Variants in UBN1 observed in about 807,000 individuals in gnomAD.
The protein encoded by UBN1 is ubinuclein-1.
A neutral mutation model predicts 108.5 loss-of-function variants in UBN1; 17 were observed. The ratio of observed to expected loss-of-function variants is 0.16; its 90% CI spans 0.11 to 0.24. The LOEUF is 0.24. UBN1 is among the 10% of genes least tolerant of loss of function. The pLI is 1.00. For synonymous variants in UBN1, 726 were observed against 564.2 expected (o/e 1.29, Z -4.07); for missense variants, 1,595 against 1,394.4 (o/e 1.14, Z -2.29).
At position 4,871,198 on chromosome 16, in the gene UBN1, G is replaced by C; in HGVS notation, c.1603G>C (p.Asp535His). 6.2e-7 allele frequency: 1 copy of C among 1,614,232 alleles called. No homozygotes were observed. Among genetic ancestry groups the C allele is most frequent in the Non-Finnish European group, 8.5e-7 (1 of 1,180,048 alleles). The change falls in exon 12 of 18, where the codon GAC (aspartate) becomes CAC (histidine). Residue 535 changes from aspartate (D) to histidine (H), a missense_variant. Transcript: ENST00000262376. ...QVVKIKLESQ[D>H]LERNNKAQAW... ...GGTGAAGATCAAACTGGAGAGCCAGGACCTGGAGAGGAACAACAAAGCCCA... is the reference window on the plus strand; with the variant it reads ...GGTGAAGATCAAACTGGAGAGCCAGCACCTGGAGAGGAACAACAAAGCCCA...
At position 4,869,594 on chromosome 16, in the gene UBN1, C is replaced by T. The variant is rs187000398; in HGVS notation, c.1182-618C>T. ...AGTTGTCAAAATGTGGGTGTTCTAC[C>T]ACATGGCCTCGCCTGGCCGGGACCT... On this transcript the variant is annotated intron_variant, in intron 8 of 17. Transcript: ENST00000262376. Among the ~76,000 whole-genome samples the T allele has an allele frequency of 4.5e-4, 69 of 152,298 alleles. No individual in the cohort carries two copies. The East Asian group carries it at 5.8e-3, about 13-fold the overall frequency.
At position 4,877,818 on chromosome 16, in the gene UBN1, A is replaced by C. The variant is rs1298935201; in HGVS notation, c.3355+344A>C. 3.4e-5 allele frequency: 35 copies of C among 1,024,462 alleles called. No homozygotes were observed. Among genetic ancestry groups the C allele is most frequent in the Non-Finnish European group, 4.0e-5 (34 of 856,568 alleles). The allele number at this position is 1,024,462 out of a possible 1,614,324, so 63.5% of individuals were successfully genotyped here. ...CAGTTTAAAAAAAAAAAAAAAGGGA[A>C]GGTAATGGTGCATCTTCTCCAAGGG... On this transcript the variant is annotated intron_variant, in intron 17 of 17. Transcript: ENST00000262376. This position sits in a 1 kb window ranked among gnomAD's most constrained non-coding sequence, Gnocchi z 4.3.
chr16:4,849,169 C>G (rs2086393402), intron 1 of UBN1, among the ~76,000 whole-genome samples: 2 of 152,176 alleles, frequency 1.3e-5, no homozygotes, highest in African/African-American at 4.8e-5. Context: ...AGGCATTCCC[C>G]TTAACATCAG....
In UBN1 at chr16:4,847,546, C is replaced by T. The variant is rs1005195206; in HGVS notation, c.-704C>T. 1.8e-4 allele frequency: 80 copies of T among 443,868 alleles called. 1 individual carries two copies. The East Asian group carries it at 3.5e-3, about 20-fold the overall frequency. 27.5% of individuals were successfully genotyped at this position (443,868 alleles called of 1,614,324 possible). A position where few individuals can be genotyped will look rare whatever the true frequency, so the allele number is the denominator to read the frequency against. On this transcript the variant is annotated 5_prime_UTR_variant, in exon 1 of 18. Coordinates refer to ENST00000262376, the MANE Select transcript of UBN1 (RefSeq NM_001079514.3). Reference sequence around the variant, plus strand: ...CCGCGGTCTGAGGCGGCGGCGGCGGCGACGGTGCGACCGGCTGAGCGCGAG... The same window carrying T: ...CCGCGGTCTGAGGCGGCGGCGGCGGTGACGGTGCGACCGGCTGAGCGCGAG...
intron 4 of UBN1, 108 bp from the exon 5 acceptor site, chr16:4,858,917 C>T (rs767624880): frequency 8.4e-5 from 119 of 1,415,096 alleles, no homozygotes; most frequent in Non-Finnish European, 1.1e-4. Flanking sequence ...TTTTAGCATG[C>T]TCTTGGAAGT....
In UBN1 at chr16:4,871,159, C is replaced by T. The variant is rs756121513; in HGVS notation, c.1564C>T (p.Leu522=). 2.5e-6 allele frequency: 4 copies of T among 1,614,066 alleles called. No homozygotes were observed. In the Admixed American group the frequency reaches 6.7e-5, roughly 27 times the overall value. ...TGATTTCTGCCTCCTTCTCAGGGAG[C>T]TACTGTGCCAGGTGGTGAAGATCAA... ...KFQWNDEIRE[L]LCQVVKIKLE... Residue 522 remains leucine, a synonymous_variant, in exon 12 of 18, where the codon CTA becomes TTA. Coordinates refer to ENST00000262376, the MANE Select transcript of UBN1 (RefSeq NM_001079514.3).
chr16:4,876,930 A>G lies in UBN1; in HGVS notation c.3084A>G (p.Lys1028=). ...CCTCTTTGATGGCTTCACCCTACAA[A>G]TCCAGCAGCCCAAAGCTGTCTGGGG... ...AGSSLMASPY[K]SSSPKLSGAM... The change falls in exon 16 of 18, where the codon AAA becomes AAG. Residue 1028 remains lysine, a synonymous_variant. Transcript: ENST00000262376. 1 of 1,614,084 alleles carries G rather than the reference A, an allele frequency of 6.2e-7. No homozygotes were observed. Among genetic ancestry groups the G allele is most frequent in the Non-Finnish European group, 8.5e-7 (1 of 1,179,994 alleles).
At chr16:4,854,498 C>G (rs1454444593) in intron 2 of UBN1, among the ~76,000 whole-genome samples, 5 of 148,648 alleles carry the variant, frequency 3.4e-5, no homozygotes, top group Admixed American at 1.4e-4. Context: ...TGCCAGCCAC[C>G]ACGCCTGGCT....
In UBN1 at chr16:4,870,621, G is replaced by A. The variant is rs1375603241; in HGVS notation, c.1417G>A (p.Ala473Thr). The change falls in exon 10 of 18, where the codon GCA becomes ACA. Residue 473 changes from alanine (A) to threonine (T), a missense_variant. Coordinates refer to ENST00000262376, the MANE Select transcript of UBN1 (RefSeq NM_001079514.3). ...GGACGAATGCCAGGCACACACGCAG[G>A]CAAAGGTTGCCAAGTAAGTTTGTCC... Reference protein sequence around the residue: ...YQDECQAHTQAKVAKMLEEEK... With the variant: ...YQDECQAHTQTKVAKMLEEEK... 1.2e-6 allele frequency: 2 copies of A among 1,614,142 alleles called. No homozygotes were observed. The highest frequency in any genetic ancestry group is 1.7e-6 in the Non-Finnish European group (2 of 1,180,038).
chr16:4,870,483 A>T (rs200076366), intron 9 of UBN1, 33 bp from the exon 10 acceptor site: 24 of 1,613,880 alleles, frequency 1.5e-5, no homozygotes, highest in Non-Finnish European at 1.8e-5. Context: ...GCGATGTGTA[A>T]ACCTGCCTTG....
chr16:4,870,102 C>T, intron 8 of UBN1, 110 bp from the exon 9 acceptor site: 3 of 1,512,158 alleles, frequency 2.0e-6, no homozygotes, highest in Non-Finnish European at 2.7e-6. Context: ...ACCAACAAGA[C>T]AGGGTTTGAC....
At chr16:4,853,545 CT>C (rs34225938) in intron 2 of UBN1, among the ~76,000 whole-genome samples, 56,251 of 144,946 alleles carry the variant, frequency 0.39, 11,280 homozygotes, top group African/African-American at 0.49. Flanking sequence ...CGTAGACTGC[CT>C]TTTTTTTTTT....
At chr16:4,851,007 G>A (rs894411773) in intron 1 of UBN1, among the ~76,000 whole-genome samples, 11 of 152,226 alleles carry the variant, frequency 7.2e-5, no homozygotes, top group Non-Finnish European at 1.3e-4. Flanking sequence ...TCTAAATACC[G>A]TATTAATATG....
Position 4,877,268 on chromosome 16 carries a change from G to A in UBN1, c.3266-117G>A. ...CCAAGCCCCCACTGCCCCTTTGGGT[G>A]TGGTGCCCAGACTGGCCTGGCAGGT... On this transcript the variant is annotated intron_variant, in intron 16 of 17. Transcript: ENST00000262376. This position sits in a 1 kb window ranked among gnomAD's most constrained non-coding sequence, Gnocchi z 4.3. 1 of 1,517,010 alleles carries A rather than the reference G, an allele frequency of 6.6e-7. No individual in the cohort carries two copies. The highest frequency in any genetic ancestry group is 8.9e-7 in the Non-Finnish European group (1 of 1,128,608). 94.0% of individuals were successfully genotyped at this position (1,517,010 alleles called of 1,614,324 possible). A position where few individuals can be genotyped will look rare whatever the true frequency, so the allele number is the denominator to read the frequency against.
Position 4,857,996 on chromosome 16 carries a change from G to C in UBN1, c.256G>C (p.Asp86His). Residue 86 changes from aspartate (D) to histidine (H), a missense_variant, in exon 3 of 18, where the codon GAT becomes CAT. By Grantham distance (81) the Asp-to-His change is moderately conservative. This residue lies in a region of UBN1 where 181 missense variants were observed against 157.3 expected (regional missense o/e 1.15). Transcript: ENST00000262376. ...KGLQPGDKKK[D>H]LSDPFNDEEK... ...TGGAACGATCTCTTTACAGAAGAAAGATCTGTCAGATCCTTTCAATGACGA... is the reference window on the plus strand; with the variant it reads ...TGGAACGATCTCTTTACAGAAGAAACATCTGTCAGATCCTTTCAATGACGA... The C allele has an allele frequency of 6.2e-7, 1 of 1,610,868 alleles. No individual in the cohort carries two copies. Among genetic ancestry groups the C allele is most frequent in the Non-Finnish European group, 8.5e-7 (1 of 1,178,672 alleles).
intron 7 of UBN1, among the ~76,000 whole-genome samples, chr16:4,865,399 G>C (rs1304959047): frequency 5.9e-5 from 9 of 152,164 alleles, no homozygotes; most frequent in Non-Finnish European, 1.3e-4. Flanking sequence ...CAGAAAATTT[G>C]GCAGGGCGCG....
At chr16:4,874,136 G>A in intron 14 of UBN1, 75 bp from the exon 15 acceptor site, 1 of 1,485,254 alleles carries the variant, frequency 6.7e-7, no homozygotes, top group Non-Finnish European at 8.9e-7. Flanking sequence ...GAGTTCACAT[G>A]TTTGTATCCT....
intron 7 of UBN1, among the ~76,000 whole-genome samples, chr16:4,866,246 G>A (rs1008371544): frequency 3.9e-5 from 6 of 152,212 alleles, no homozygotes; most frequent in African/African-American, 1.4e-4. Context: ...TGGGTGAAAA[G>A]TCATGCCCTT....
At chr16:4,873,641 A>G (rs946541276) in intron 14 of UBN1, among the ~76,000 whole-genome samples, 9 of 152,144 alleles carry the variant, frequency 5.9e-5, no homozygotes, top group African/African-American at 2.2e-4. Flanking sequence ...TGTGCAAATC[A>G]TTTACTCCTA....
Sources: gnomAD v4.1 joint callset for allele counts (sites outside exome capture counted in the v4.1 genomes callset) on GRCh38, gnomAD v4.1.1 for gene constraint, gnomAD v4.1.1 regional missense constraint, Gnocchi (gnomAD v3.1) non-coding constraint, MANE v1.5 for transcripts, NCBI Gene and HGNC (gene_info 2026-07-23, HGNC 2026-07-21) for gene names.